Variants in CENPL observed in about 807,000 individuals in gnomAD.
The protein encoded by CENPL is centromere protein L.
CENPL carries 20 observed loss-of-function variants against 35.2 expected under a neutral mutation model. That is an observed-to-expected ratio of 0.57 (90% CI 0.40 to 0.83). The LOEUF (loss-of-function observed/expected upper bound fraction) is 0.83, where lower values mean the gene tolerates loss of function less well. CENPL is among the 40% of genes least tolerant of loss of function. The pLI is 0.00. For synonymous variants in CENPL, 140 were observed against 140.6 expected, an observed-to-expected ratio of 1.00 and a Z score of 0.03; for missense variants, 363 against 395.8, an observed-to-expected ratio of 0.92 and a Z score of 0.70.
chr1:173,808,960 G>A (rs1388263759), intron 3 of CENPL, among the ~76,000 whole-genome samples: 2 of 152,062 alleles, frequency 1.3e-5, no homozygotes, highest in African/African-American at 4.8e-5. Context: ...AAAACCTACA[G>A]AATGGGAGAA....
intron 2 of CENPL, among the ~76,000 whole-genome samples, chr1:173,813,404 A>C (rs1651034333): frequency 6.6e-6 from 1 of 152,226 alleles, no homozygotes; most frequent in East Asian, 1.9e-4. Flanking sequence ...TGAAGGAAAA[A>C]ATGTTAAGGG....
chr1:173,808,578 T>C (rs2102579249), intron 3 of CENPL: 1 of 151,334 alleles, frequency 6.6e-6, no homozygotes, highest in East Asian at 1.9e-4. Context: ...TGTTCTACTC[T>C]TTCCCCCTTC....
At chr1:173,812,475 G>C (rs751198590) in intron 2 of CENPL, among the ~76,000 whole-genome samples, 2 of 152,212 alleles carry the variant, frequency 1.3e-5, no homozygotes, top group Admixed American at 6.5e-5. Flanking sequence ...TCCAGAGGAA[G>C]GATCAGGCAG....
At chr1:173,812,858 G>A (rs888185431) in intron 2 of CENPL, among the ~76,000 whole-genome samples, 3 of 152,008 alleles carry the variant, frequency 2.0e-5, no homozygotes, top group South Asian at 2.1e-4. Context: ...TCAGAAGGTC[G>A]GTAATAACAA....
At chr1:173,805,509 CAAAAAAA>C (rs1409340810) in intron 4 of CENPL, among the ~76,000 whole-genome samples, 1 of 78,198 alleles carries the variant, frequency 1.3e-5, no homozygotes, top group Non-Finnish European at 2.8e-5. Flanking sequence ...GAAGCTGTCT[CAAAAAAA>C]AAAAAAAAAA....
chr1:173,809,542 A>T (rs913333827), intron 3 of CENPL, among the ~76,000 whole-genome samples: 1 of 151,898 alleles, frequency 6.6e-6, no homozygotes, highest in Non-Finnish European at 1.5e-5. Context: ...CAGTTAGCCA[A>T]GATCATGCCA....
chr1:173,822,809 C>G (rs9970488), intron 2 of CENPL: 13,847 of 152,296 alleles, frequency 0.091, 2,037 homozygotes, highest in African/African-American at 0.31. Flanking sequence ...GCAATCTTGG[C>G]TCACTGCAAC....
chr1:173,809,769 A>C (rs1650623170), intron 3 of CENPL, among the ~76,000 whole-genome samples: 1 of 152,226 alleles, frequency 6.6e-6, no homozygotes, highest in Non-Finnish European at 1.5e-5. Context: ...ATGAGATGCT[A>C]TCTCACATCA....
Position 173,814,349 on chromosome 1 carries a change from T to G in CENPL, c.-7-3043A>C, listed in dbSNP as rs189119743. Among the ~76,000 whole-genome samples the G allele has an allele frequency of 4.7e-4, 72 of 152,098 alleles. 1 individual carries two copies. The highest frequency in any genetic ancestry group is 1.8e-3 in the Admixed American group (28 of 15,266). On this transcript the variant is annotated intron_variant, in intron 2 of 5. Coordinates refer to ENST00000682279, the MANE Select transcript of CENPL (RefSeq NM_001387287.1). ...CAAGTGGACCTAATAGACATCTACATAACTCTCCACCCCAAATCAACAGAA... is the reference window on the plus strand; with the variant it reads ...CAAGTGGACCTAATAGACATCTACAGAACTCTCCACCCCAAATCAACAGAA...
chr1:173,809,967 C>G (rs994994557), intron 3 of CENPL, among the ~76,000 whole-genome samples: 15 of 152,244 alleles, frequency 9.9e-5, no homozygotes, highest in African/African-American at 3.4e-4. Flanking sequence ...CCTCAAAGAC[C>G]TAGAGACAGA....
Position 173,807,467 on chromosome 1 carries a change from A to G in CENPL, c.220T>C (p.Leu74=). Reference sequence around the variant, plus strand: ...TTATATAAGGGAGTTAAACTATATAAAGTCCACTGTTTATGCAGAAGGAAT... The same window carrying G: ...TTATATAAGGGAGTTAAACTATATAGAGTCCACTGTTTATGCAGAAGGAAT... ...VAFLLHKQWT[L]YSLTPLYKFS... Residue 74 remains leucine (L), a synonymous_variant, in exon 4 of 6, where the codon TTA becomes CTA. Coordinates refer to ENST00000682279, the MANE Select transcript of CENPL (RefSeq NM_001387287.1). 1 of 1,593,608 alleles carries G rather than the reference A, an allele frequency of 6.3e-7. No individual in the cohort carries two copies. The highest frequency in any genetic ancestry group is 8.6e-7 in the Non-Finnish European group (1 of 1,166,932).
intron 2 of CENPL, among the ~76,000 whole-genome samples, chr1:173,820,957 G>A (rs1455301316): frequency 2.0e-5 from 3 of 152,152 alleles, no homozygotes. Flanking sequence ...TGATGGAACT[G>A]TATCTTGACT....
At chr1:173,811,387 A>G in intron 2 of CENPL, 81 bp from the exon 3 acceptor site, 1 of 939,682 alleles carries the variant, frequency 1.1e-6, no homozygotes. Context: ...TCCTCACTCT[A>G]AAGGAATCCT....
At chr1:173,823,547 T>C (rs544910305) in intron 2 of CENPL, 2 of 152,348 alleles carry the variant, frequency 1.3e-5, no homozygotes, top group South Asian at 2.1e-4. Context: ...ATTCACCTTA[T>C]CGCCAATTAA....
intron 4 of CENPL, among the ~76,000 whole-genome samples, chr1:173,803,923 C>T (rs1272780254): frequency 2.0e-5 from 3 of 152,138 alleles, no homozygotes; most frequent in Non-Finnish European, 4.4e-5. Context: ...CTGCCCACCT[C>T]GGCCACCCAA....
chr1:173,805,168 A>T (rs1448770290), intron 4 of CENPL, among the ~76,000 whole-genome samples: 1 of 152,196 alleles, frequency 6.6e-6, no homozygotes, highest in Non-Finnish European at 1.5e-5. Context: ...CAAGTGCTTC[A>T]CTTGACAAAA....
intron 2 of CENPL, among the ~76,000 whole-genome samples, chr1:173,820,908 A>G (rs948462834): frequency 6.6e-6 from 1 of 152,200 alleles, no homozygotes; most frequent in African/African-American, 2.4e-5. Context: ...GAGGGACATA[A>G]ATGTGACTAT....
At chr1:173,813,455 C>T (rs1651042409) in intron 2 of CENPL, among the ~76,000 whole-genome samples, 1 of 152,174 alleles carries the variant, frequency 6.6e-6, no homozygotes, top group African/African-American at 2.4e-5. Context: ...AAGGGAAGCC[C>T]ATCAGGCTAA....
At chr1:173,808,281 G>C in intron 3 of CENPL, among the ~76,000 whole-genome samples, 1 of 151,770 alleles carries the variant, frequency 6.6e-6, no homozygotes. Context: ...ATGGTGGTGT[G>C]CACCTGTAAT....
Sources: allele counts gnomAD v4.1 joint callset (sites outside exome capture counted in the v4.1 genomes callset), GRCh38; gene constraint gnomAD v4.1.1; transcripts MANE v1.5; gene names NCBI Gene and HGNC (gene_info 2026-07-23, HGNC 2026-07-21).